LRRTM4: variants seen among roughly 807,000 people sequenced by gnomAD.
LRRTM4 encodes the protein leucine rich repeat transmembrane neuronal 4, also known as leucine-rich repeat transmembrane neuronal protein 4.
LRRTM4 carries 25 observed loss-of-function variants against 47.6 expected under a neutral mutation model. That is an observed-to-expected ratio of 0.53 (90% confidence interval 0.38 to 0.73). LRRTM4 has a LOEUF of 0.73. Among genes scored for constraint, LRRTM4 ranks in the 30% least tolerant of loss-of-function variants. The probability of loss-of-function intolerance (pLI) is 0.00; values close to 1 mark genes in which losing one functional copy is unlikely to be tolerated. For missense variants in LRRTM4, 638 were observed against 713.4 expected, an observed-to-expected ratio of 0.89 and a Z score of 1.20; for synonymous variants, 311 against 269.5, an observed-to-expected ratio of 1.15 and a Z score of -1.51.
chr2:77,373,884 A>G (rs1272880574), intron 3 of LRRTM4, among the ~76,000 whole-genome samples: 1 of 151,810 alleles, frequency 6.6e-6, no homozygotes, highest in Non-Finnish European at 1.5e-5. Flanking sequence ...TGAAAAGCCT[A>G]TATTTTTTTC....
intron 3 of LRRTM4, among the ~76,000 whole-genome samples, chr2:77,063,201 G>T (rs192470032): frequency 1.3e-5 from 2 of 151,802 alleles, no homozygotes; most frequent in Non-Finnish European, 2.9e-5. Context: ...CTCGTGATCC[G>T]CCCACCTCGG....
rs116465541 is a variant in LRRTM4, at chr2:77,421,928, A to G, written c.1551+96390T>C. 4.1e-3 allele frequency among the ~76,000 whole-genome samples: 627 copies of G among 152,322 alleles called. 10 individuals are homozygous for G. Among genetic ancestry groups the G allele is most frequent in the African/African-American group, 0.014 (586 of 41,556 alleles). ...TATAAGCCTATAATACTGTGCTTTT[A>G]CTGTAACTACTCTATGTTTAGGTAT... On this transcript the variant is annotated intron_variant, in intron 3 of 3. Transcript: ENST00000409884.
At chr2:77,510,787 A>G (rs1678954022) in intron 3 of LRRTM4, among the ~76,000 whole-genome samples, 2 of 152,048 alleles carry the variant, frequency 1.3e-5, no homozygotes, top group South Asian at 4.1e-4. Context: ...TTTAGTTTTT[A>G]AATCAATGAT....
chr2:77,424,656 C>T (rs774002351), intron 3 of LRRTM4, among the ~76,000 whole-genome samples: 2 of 152,158 alleles, frequency 1.3e-5, no homozygotes, highest in Non-Finnish European at 2.9e-5. Context: ...TCAAGTAATA[C>T]TTTAGTGATG....
intron 3 of LRRTM4, among the ~76,000 whole-genome samples, chr2:77,167,061 A>G (rs1031090591): frequency 2.0e-4 from 30 of 152,228 alleles, no homozygotes; most frequent in African/African-American, 7.0e-4. Flanking sequence ...TACGCATCTG[A>G]CAAAGGGCTA....
intron 3 of LRRTM4, among the ~76,000 whole-genome samples, chr2:76,791,234 C>G (rs1442259475): frequency 6.6e-6 from 1 of 152,120 alleles, no homozygotes; most frequent in East Asian, 1.9e-4. Context: ...CCTAACGTGA[C>G]TCAAAGACAG....
intron 3 of LRRTM4, among the ~76,000 whole-genome samples, chr2:77,498,137 G>A (rs558649103): frequency 1.3e-5 from 2 of 151,908 alleles, no homozygotes; most frequent in South Asian, 4.2e-4. Flanking sequence ...GCCTCTCCAT[G>A]TCAGTCTATG....
In LRRTM4 at chr2:76,792,666, TACTAGATGAAGACCCTCTTA is replaced by T. The variant is rs375249608; in HGVS notation, c.1552-43770_1552-43751del. Among the ~76,000 whole-genome samples the T allele has an allele frequency of 3.3e-3, 509 of 152,234 alleles. 1 individual carries two copies. The highest frequency in any genetic ancestry group is 0.011 in the African/African-American group (458 of 41,530). ...TGCTAATGATCAATTCTCTGTTGAA[TACTAGATGAAGACCCTCTTA>T]TAGACTTGTAGAATTCTTTGTGCCA... On this transcript the variant is annotated intron_variant, in intron 3 of 3. Transcript: ENST00000409884.
In LRRTM4 at chr2:77,103,842, A is replaced by G. The variant is rs181156872; in HGVS notation, c.1552-354926T>C. On this transcript the variant is annotated intron_variant, in intron 3 of 3. Transcript: ENST00000409884. ...CAGACCACAAACTGCAGGAAACTCAATTAACTCAAGGCATTCTCACCAAGA... is the reference window on the plus strand; with the variant it reads ...CAGACCACAAACTGCAGGAAACTCAGTTAACTCAAGGCATTCTCACCAAGA... 2.0e-3 allele frequency among the ~76,000 whole-genome samples: 306 copies of G among 152,072 alleles called. 1 individual carries two copies. The highest frequency in any genetic ancestry group is 6.8e-3 in the Middle Eastern group (2 of 292).
At chr2:77,277,461 A>G (rs1676392892) in intron 3 of LRRTM4, among the ~76,000 whole-genome samples, 1 of 152,066 alleles carries the variant, frequency 6.6e-6, no homozygotes, top group African/African-American at 2.4e-5. Flanking sequence ...TCCATCTTTT[A>G]TTAAAAAATA....
At chr2:77,172,291 T>C (rs560888402) in intron 3 of LRRTM4, among the ~76,000 whole-genome samples, 16 of 152,250 alleles carry the variant, frequency 1.1e-4, no homozygotes, top group Non-Finnish European at 2.4e-4. Context: ...TATATGCTAC[T>C]ATATTCATTT....
intron 3 of LRRTM4, among the ~76,000 whole-genome samples, chr2:77,456,894 A>G (rs2103963108): frequency 6.7e-6 from 1 of 149,438 alleles, no homozygotes; most frequent in South Asian, 2.1e-4. Flanking sequence ...TTCTTTGATT[A>G]CATTCTGTTT....
At chr2:76,916,684 C>G (rs2103796233) in intron 3 of LRRTM4, among the ~76,000 whole-genome samples, 2 of 152,206 alleles carry the variant, frequency 1.3e-5, no homozygotes, top group South Asian at 2.1e-4. Flanking sequence ...GTGACTGTGT[C>G]CTTACTAATT....
At chr2:76,803,591 C>T (rs1001786023) in intron 3 of LRRTM4, among the ~76,000 whole-genome samples, 3 of 152,120 alleles carry the variant, frequency 2.0e-5, no homozygotes, top group African/African-American at 7.2e-5. Flanking sequence ...AATACCGCTA[C>T]TGGGTACATA....
chr2:77,020,795 C>T (rs1190280471), intron 3 of LRRTM4, among the ~76,000 whole-genome samples: 2 of 152,132 alleles, frequency 1.3e-5, no homozygotes, highest in Non-Finnish European at 2.9e-5. Context: ...AAGTCAACAA[C>T]AACGAAGATG....
intron 3 of LRRTM4, among the ~76,000 whole-genome samples, chr2:77,440,890 CTTTA>C (rs932834725): frequency 4.6e-4 from 70 of 152,282 alleles, no homozygotes; most frequent in African/African-American, 1.5e-3. Flanking sequence ...ATAGAACAGT[CTTTA>C]TTTGTCATTT....
Position 76,954,328 on chromosome 2 carries a change from C to A in LRRTM4, c.1552-205412G>T, listed in dbSNP as rs570359934. Among the ~76,000 whole-genome samples, 226 of 151,506 alleles carry A rather than the reference C, an allele frequency of 1.5e-3. 2 individuals carry two copies. The highest frequency in any genetic ancestry group is 0.01 in the Middle Eastern group (3 of 294). On this transcript the variant is annotated intron_variant, in intron 3 of 3. Transcript: ENST00000409884. ...CTCAGAAAACAATGCATGAACAAAA[C>A]GAGAATATCAGCAAGATAGAAATTA... is the stretch of plus-strand genomic sequence containing the variant.
intron 3 of LRRTM4, among the ~76,000 whole-genome samples, chr2:77,385,045 A>G (rs1421071836): frequency 1.3e-5 from 2 of 152,144 alleles, no homozygotes; most frequent in Non-Finnish European, 2.9e-5. Flanking sequence ...TGCAAAAAGA[A>G]AACATAAAGG....
chr2:77,030,276 C>CA (rs1296262086), intron 3 of LRRTM4, among the ~76,000 whole-genome samples: 5 of 151,644 alleles, frequency 3.3e-5, no homozygotes, highest in Non-Finnish European at 7.4e-5. Context: ...ACTAAAAATA[C>CA]AAAAAAAATT....
Sources: gnomAD v4.1 joint callset for allele counts (sites outside exome capture counted in the v4.1 genomes callset) on GRCh38, gnomAD v4.1.1 for gene constraint, MANE v1.5 for transcripts, NCBI Gene and HGNC (gene_info 2026-07-23, HGNC 2026-07-21) for gene names.